The following KIAA1549 variants were observed in gnomAD, a reference collection of about 807,000 sequenced individuals.
KIAA1549 encodes the protein KIAA1549.
KIAA1549 carries 70 observed loss-of-function variants against 156.4 expected under a neutral mutation model. The observed-to-expected ratio is 0.45, with a 90% CI of 0.37 to 0.55. The LOEUF (loss-of-function observed/expected upper bound fraction) is 0.55, where lower values mean the gene tolerates loss of function less well. KIAA1549 is among the 20% of genes least tolerant of loss of function. The pLI is 0.00. For missense variants in KIAA1549, 2,428 were observed against 2,540.9 expected (o/e 0.96, Z 0.96); for synonymous variants, 1,103 against 1,066.4 (o/e 1.03, Z -0.67).
intron 1 of KIAA1549, among the ~76,000 whole-genome samples, chr7:138,974,526 G>A (rs1376448904): frequency 2.6e-5 from 4 of 151,952 alleles, no homozygotes; most frequent in South Asian, 4.2e-4. Context: ...TTTGCCTCCC[G>A]GGTTCAAGCC....
At chr7:138,919,781 A>G (rs1303025460) in intron 1 of KIAA1549, among the ~76,000 whole-genome samples, 1 of 152,132 alleles carries the variant, frequency 6.6e-6, no homozygotes, top group East Asian at 1.9e-4. Flanking sequence ...ACATGAGTAA[A>G]GAAAGGTTTC....
chr7:138,869,217 T>TTTTAGACAGCAGTTCA (rs1313689477), intron 14 of KIAA1549, among the ~76,000 whole-genome samples: 6 of 151,922 alleles, frequency 3.9e-5, no homozygotes, highest in South Asian at 2.1e-4. Flanking sequence ...AAAGGGTGAG[T>TTTTAGACAGCAGTTCA]GCAGTTTTAG....
intron 1 of KIAA1549, among the ~76,000 whole-genome samples, chr7:138,959,605 T>C (rs1473679868): frequency 6.6e-6 from 1 of 152,254 alleles, no homozygotes; most frequent in Non-Finnish European, 1.5e-5. Context: ...CAGCATGAAA[T>C]ATGTCAGCGA....
At chr7:138,870,663 C>T (rs1422575414) in intron 13 of KIAA1549, among the ~76,000 whole-genome samples, 4 of 152,180 alleles carry the variant, frequency 2.6e-5, no homozygotes, top group Non-Finnish European at 2.9e-5. Context: ...TCTGCCAATG[C>T]GCCCCAGAGT....
chr7:138,972,217 C>T (rs1281049980), intron 1 of KIAA1549, among the ~76,000 whole-genome samples: 1 of 152,170 alleles, frequency 6.6e-6, no homozygotes, highest in Admixed American at 6.5e-5. Flanking sequence ...TCAACATCCA[C>T]AGAAGTTATT....
In KIAA1549 at chr7:138,840,186, C is replaced by G. The variant is rs751078785; in HGVS notation, c.5545G>C (p.Gly1849Arg). 1.3e-6 allele frequency: 2 copies of G among 1,564,090 alleles called. No homozygotes were observed. The highest frequency in any genetic ancestry group is 1.4e-5 in the African/African-American group (1 of 73,660). Reference sequence around the variant, plus strand: ...CCGTACGAAGGCCAGCCTGGCCCCCCATACTGGCTGCCTCTGCTTGGCGGG... The same window carrying G: ...CCGTACGAAGGCCAGCCTGGCCCCCGATACTGGCTGCCTCTGCTTGGCGGG... The part of the protein sequence containing the change: ...EIPPSRGSQY[G>R]GPGWPSYGED... Residue 1849 changes from glycine to arginine, a missense_variant, in exon 19 of 20, where the codon GGG becomes CGG. Gly to Arg is a moderately radical substitution (Grantham distance 125). Transcript: ENST00000422774.
chr7:138,959,288 C>T (rs997178937), intron 1 of KIAA1549, among the ~76,000 whole-genome samples: 3 of 152,146 alleles, frequency 2.0e-5, no homozygotes, highest in African/African-American at 7.2e-5. Context: ...TTAAATAGCA[C>T]CACAAATCAC....
At chr7:138,859,033 A>G (rs1164771597) in intron 16 of KIAA1549, among the ~76,000 whole-genome samples, 1 of 151,550 alleles carries the variant, frequency 6.6e-6, no homozygotes, top group African/African-American at 2.4e-5. Context: ...ACACACACAC[A>G]CACACACACA....
Position 138,838,990 on chromosome 7 carries a change from C to T in KIAA1549, c.5599-830G>A, listed in dbSNP as rs1019254609. On this transcript the variant is annotated intron_variant, in intron 19 of 19. Transcript: ENST00000422774. ...GACCAGCCTGGCCAACATAGTGAGA[C>T]CTTGCCTCCATTTTTTCAAAAAAAC... Among the ~76,000 whole-genome samples, 4 of 152,230 alleles carry T rather than the reference C, an allele frequency of 2.6e-5. No homozygotes were observed. The East Asian group carries it at 5.8e-4, about 22-fold the overall frequency.
chr7:138,937,641 C>T (rs2130516166), intron 1 of KIAA1549, among the ~76,000 whole-genome samples: 1 of 152,226 alleles, frequency 6.6e-6, no homozygotes, highest in South Asian at 2.1e-4. Context: ...CTGCTCCAGG[C>T]AGAGGGGGTG....
intron 1 of KIAA1549, among the ~76,000 whole-genome samples, chr7:138,972,947 G>A (rs1236982129): frequency 1.3e-5 from 2 of 151,858 alleles, no homozygotes; most frequent in Admixed American, 6.6e-5. Context: ...TCAGCCCCCC[G>A]AATAGCTAGG....
intron 1 of KIAA1549, among the ~76,000 whole-genome samples, chr7:138,962,444 T>C (rs1203570253): frequency 1.3e-5 from 2 of 152,196 alleles, no homozygotes; most frequent in Non-Finnish European, 2.9e-5. Flanking sequence ...TGTGATTTTC[T>C]CTGACCAGCA....
intron 10 of KIAA1549, among the ~76,000 whole-genome samples, chr7:138,889,898 T>C (rs1811501221): frequency 6.6e-6 from 1 of 152,216 alleles, no homozygotes; most frequent in Non-Finnish European, 1.5e-5. Flanking sequence ...GCCAGATCAC[T>C]TTTTCTAGTT....
chr7:138,980,927 T>C (rs1239930635), intron 1 of KIAA1549, among the ~76,000 whole-genome samples, 156 bp downstream of exon 1: 3 of 152,194 alleles, frequency 2.0e-5, no homozygotes, highest in Non-Finnish European at 4.4e-5. Context: ...CTTTATTTGT[T>C]GGGCCCCAGA....
chr7:138,876,662 AAAGGGGAGCGAGAGAAAAACTAC>A (rs1437612891), intron 12 of KIAA1549, among the ~76,000 whole-genome samples: 2 of 152,218 alleles, frequency 1.3e-5, no homozygotes, highest in African/African-American at 2.4e-5. Flanking sequence ...TCCTGATGAT[AAAGGGGAGCGAGAGAAAAACTAC>A]AATTATGCAC....
At position 138,912,479 on chromosome 7, in the gene KIAA1549, C is replaced by T; in HGVS notation, c.2879-19G>A. ...GCCAGCACTGCAAATGAAAGCAAAC[C>T]ACCAAATGCCTTTTCATGTCATTAT... On this transcript the variant is annotated intron_variant, in intron 2 of 19. Transcript: ENST00000422774. 1 of 1,590,434 alleles carries T rather than the reference C, an allele frequency of 6.3e-7. No homozygotes were observed. Among genetic ancestry groups the T allele is most frequent in the South Asian group, 1.1e-5 (1 of 90,558 alleles).
At chr7:138,906,656 G>A (rs1584745994) in intron 6 of KIAA1549, among the ~76,000 whole-genome samples, 1 of 152,142 alleles carries the variant, frequency 6.6e-6, no homozygotes, top group Non-Finnish European at 1.5e-5. Context: ...AGACTTGGGG[G>A]GAAGAGTGGC....
At chr7:138,896,282 C>T (rs530614577) in intron 9 of KIAA1549, among the ~76,000 whole-genome samples, 14 of 152,146 alleles carry the variant, frequency 9.2e-5, no homozygotes, top group Admixed American at 2.0e-4. Context: ...TGCTCAAAGA[C>T]GTAATAACAA....
chr7:138,956,314 G>C (rs1014315642), intron 1 of KIAA1549, among the ~76,000 whole-genome samples: 5 of 152,158 alleles, frequency 3.3e-5, no homozygotes, highest in African/African-American at 1.2e-4. Flanking sequence ...AGCAGCTAAG[G>C]GGAAGAGAAA....
Sources: allele counts gnomAD v4.1 joint callset (sites outside exome capture counted in the v4.1 genomes callset), GRCh38; gene constraint gnomAD v4.1.1; transcripts MANE v1.5; gene names NCBI Gene and HGNC (gene_info 2026-07-23, HGNC 2026-07-21).